Variants in ROCK1 observed in about 807,000 individuals in gnomAD.
ROCK1 encodes rho-associated protein kinase 1.
Under a neutral mutation model 196.8 loss-of-function variants are expected in ROCK1, and 36 were observed. That is an observed-to-expected ratio of 0.18 (90% CI 0.14 to 0.24). The LOEUF (loss-of-function observed/expected upper bound fraction) is 0.24. ROCK1 is among the 10% of genes least tolerant of loss of function. The pLI, the probability that ROCK1 is intolerant of heterozygous loss-of-function variation, is 1.00. For synonymous variants in ROCK1, 443 were observed against 515.9 expected (o/e 0.86, Z 1.91); for missense variants, 920 against 1,562.0 (o/e 0.59, Z 6.93).
At chr18:20,968,574 G>GGGAT (rs1313751546) in intron 25 of ROCK1, 198 bp downstream of exon 25, 1 of 503,250 alleles carries the variant, frequency 2.0e-6, no homozygotes, top group Non-Finnish European at 3.5e-6. Flanking sequence ...CTAAAGTGTT[G>GGGAT]GGATTACAGG....
intron 10 of ROCK1, among the ~76,000 whole-genome samples, chr18:21,024,143 C>T (rs1184129877): frequency 6.6e-6 from 1 of 152,106 alleles, no homozygotes; most frequent in Non-Finnish European, 1.5e-5. Flanking sequence ...TCTCCTGCAC[C>T]CAACTATCCT....
At chr18:20,973,607 T>G (rs1486023199) in intron 22 of ROCK1, among the ~76,000 whole-genome samples, 1 of 151,978 alleles carries the variant, frequency 6.6e-6, no homozygotes, top group African/African-American at 2.4e-5. Flanking sequence ...CAGGAAGAGA[T>G]AGGATCGAGG....
chr18:20,994,587 T>G (rs932377319), intron 16 of ROCK1, among the ~76,000 whole-genome samples: 5 of 152,152 alleles, frequency 3.3e-5, no homozygotes, highest in Non-Finnish European at 5.9e-5. Flanking sequence ...TTAAAAATCA[T>G]TTTAAAAAAT....
rs1442351678 is a variant in ROCK1, at chr18:21,070,339, T to C, written c.175+193A>G. Among the ~76,000 whole-genome samples, 11 of 152,270 alleles carry C rather than the reference T, an allele frequency of 7.2e-5. No individual in the cohort carries two copies. The East Asian group carries it at 1.7e-3, about 24-fold the overall frequency. ...CTTATTTTAACTATTTTTCATCCCT[T>C]TCTCTTCAAAATATTTTGGTTCTCC... On this transcript the variant is annotated intron_variant, in intron 2 of 32. Transcript: ENST00000399799.
chr18:21,006,700 T>C lies in ROCK1; in HGVS notation c.1637A>G (p.Gln546Arg). 6.3e-7 allele frequency: 1 copy of C among 1,597,782 alleles called. No homozygotes were observed. Among genetic ancestry groups the C allele is most frequent in the African/African-American group, 1.4e-5 (1 of 73,840 alleles). Reference protein sequence around the residue: ...ANEKLSQLQKQLEEANDLLRT... With the variant: ...ANEKLSQLQKRLEEANDLLRT... Reference sequence around the variant, plus strand: ...AGGAACCTCATTTGAAACACTTACCTGCTTTTGTAACTGGGACAGCTTCTC... The same window carrying C: ...AGGAACCTCATTTGAAACACTTACCCGCTTTTGTAACTGGGACAGCTTCTC... The change falls in exon 15 of 33, where the codon CAG (glutamine) becomes CGG (arginine). Residue 546 changes from glutamine (Q) to arginine (R), a missense_variant and splice_region_variant. Transcript: ENST00000399799.
rs71269004 is a variant in ROCK1, at chr18:21,033,854, T to TAAAAAAAAAAAAAAAAAA, written c.1052-4937_1052-4920dup. On this transcript the variant is annotated intron_variant, in intron 9 of 32. Transcript: ENST00000399799. Reference sequence around the variant, plus strand: ...TAACTCAGTGAAACCCCGTTTCTACTAAAAAAAAAAAAAAAAAAAAAAAAA... The same window carrying TAAAAAAAAAAAAAAAAAA: ...TAACTCAGTGAAACCCCGTTTCTACTAAAAAAAAAAAAAAAAAAAAAAAAAAAAAAAAAAAAAAAAAAA... 1.8e-4 allele frequency among the ~76,000 whole-genome samples: 6 copies of TAAAAAAAAAAAAAAAAAA among 33,464 alleles called. 2 individuals are homozygous for TAAAAAAAAAAAAAAAAAA. Among genetic ancestry groups the TAAAAAAAAAAAAAAAAAA allele is most frequent in the Admixed American group, 6.0e-4 (1 of 1,656 alleles). The allele number at this position is 33,464 out of a possible 152,430, so 22.0% of individuals were successfully genotyped here.
At chr18:21,061,105 G>C (rs569091322) in intron 2 of ROCK1, among the ~76,000 whole-genome samples, 110 of 149,892 alleles carry the variant, frequency 7.3e-4, no homozygotes, top group African/African-American at 2.5e-3. Context: ...TCAAGGCAGA[G>C]TCTTGCTCTG....
chr18:21,045,779 T>C (rs1320140500), intron 4 of ROCK1, among the ~76,000 whole-genome samples: 1 of 152,044 alleles, frequency 6.6e-6, no homozygotes, highest in Non-Finnish European at 1.5e-5. Context: ...ACAAATCTCC[T>C]AGGCAAAGAA....
chr18:20,999,099 T>C (rs2035698569), intron 16 of ROCK1, among the ~76,000 whole-genome samples: 1 of 151,946 alleles, frequency 6.6e-6, no homozygotes, highest in African/African-American at 2.4e-5. Flanking sequence ...GGAGCACACA[T>C]GCAAAAACCC....
chr18:21,066,963 C>T (rs1031037754), intron 2 of ROCK1, among the ~76,000 whole-genome samples: 4 of 152,172 alleles, frequency 2.6e-5, no homozygotes, highest in Admixed American at 6.5e-5. Context: ...TTCCTGGGGT[C>T]ATATAGTAAA....
chr18:20,977,123 C>G (rs2035487677), intron 22 of ROCK1, among the ~76,000 whole-genome samples: 1 of 152,206 alleles, frequency 6.6e-6, no homozygotes, highest in South Asian at 2.1e-4. Context: ...TCATTCTCCA[C>G]TCCTTAGAGT....
At chr18:21,029,029 A>G in intron 9 of ROCK1, 94 bp from the exon 10 acceptor site, 1 of 1,298,208 alleles carries the variant, frequency 7.7e-7, no homozygotes, top group Admixed American at 2.5e-5. Flanking sequence ...TTTCTCTCTT[A>G]TAAAACCTTG....
chr18:20,965,925 T>C (rs1464354913), intron 27 of ROCK1, among the ~76,000 whole-genome samples: 1 of 152,218 alleles, frequency 6.6e-6, no homozygotes, highest in Non-Finnish European at 1.5e-5. Flanking sequence ...CCCACTTTCT[T>C]GACCAAGAAA....
intron 1 of ROCK1, among the ~76,000 whole-genome samples, chr18:21,103,191 C>T (rs1375349728): frequency 1.3e-5 from 2 of 152,026 alleles, no homozygotes; most frequent in Non-Finnish European, 2.9e-5. Flanking sequence ...ATTACACTTC[C>T]TATGTTCAGA....
At chr18:20,965,407 A>G (rs1276212667) in intron 27 of ROCK1, among the ~76,000 whole-genome samples, 1 of 64,366 alleles carries the variant, frequency 1.6e-5, no homozygotes, top group Non-Finnish European at 3.5e-5. Flanking sequence ...ATACATATAT[A>G]CATACATACA....
intron 29 of ROCK1, among the ~76,000 whole-genome samples, chr18:20,959,277 T>C (rs2035303003): frequency 7.4e-6 from 1 of 135,196 alleles, no homozygotes; most frequent in Non-Finnish European, 1.5e-5. Context: ...AGTGGCGCAA[T>C]CTAGGCTCAC....
At position 20,998,043 on chromosome 18, in the gene ROCK1, G is replaced by A. The variant is rs185718315; in HGVS notation, c.1886-5106C>T. ...GTAGAGACAGGGTTTCACCATGTTGGCCAGGCTGGTCTCGAACTTCTGACC... is the reference window on the plus strand; with the variant it reads ...GTAGAGACAGGGTTTCACCATGTTGACCAGGCTGGTCTCGAACTTCTGACC... On this transcript the variant is annotated intron_variant, in intron 16 of 32. Coordinates refer to ENST00000399799, the MANE Select transcript of ROCK1 (RefSeq NM_005406.3). Among the ~76,000 whole-genome samples the A allele has an allele frequency of 9.9e-5, 15 of 152,086 alleles. No individual in the cohort carries two copies. The East Asian group carries it at 2.9e-3, about 29-fold the overall frequency.
chr18:21,089,186 T>C (rs960906034), intron 1 of ROCK1, among the ~76,000 whole-genome samples: 2 of 152,048 alleles, frequency 1.3e-5, no homozygotes, highest in African/African-American at 4.8e-5. Flanking sequence ...AGCCTCCAAG[T>C]AGCTGGGATT....
rs112282042 is a variant in ROCK1 at position 20,992,731 on chromosome 18, T to C, written c.1992+100A>G. 165 of 687,898 alleles carry C rather than the reference T, an allele frequency of 2.4e-4. No individual in the cohort carries two copies. In the African/African-American group the frequency reaches 2.5e-3, roughly 11 times the overall value. 42.6% of individuals were successfully genotyped at this position (687,898 alleles called of 1,614,324 possible). A position where few individuals can be genotyped will look rare whatever the true frequency, so the allele number is the denominator to read the frequency against. On this transcript the variant is annotated intron_variant, in intron 17 of 32. Coordinates refer to ENST00000399799, the MANE Select transcript of ROCK1 (RefSeq NM_005406.3). The stretch of plus-strand genomic sequence containing the variant: ...AAAAACTTTTAGAAATGTAACTATA[T>C]AAACATTAAGAATAAATGCTATTTT...
Sources: allele counts gnomAD v4.1 joint callset (sites outside exome capture counted in the v4.1 genomes callset), GRCh38; gene constraint gnomAD v4.1.1; transcripts MANE v1.5; gene names NCBI Gene and HGNC (gene_info 2026-07-23, HGNC 2026-07-21).